NCLN: variants seen among roughly 807,000 people sequenced by gnomAD.
NCLN encodes nicalin.
A neutral mutation model predicts 69.5 loss-of-function variants in NCLN; 34 were observed. That is an observed-to-expected ratio of 0.49 (90% CI 0.37 to 0.65). The LOEUF (loss-of-function observed/expected upper bound fraction) is 0.65, where lower values mean the gene tolerates loss of function less well. NCLN is among the 30% of genes least tolerant of loss of function. NCLN has a pLI of 0.00. For synonymous variants in NCLN, 393 were observed against 358.3 expected, an observed-to-expected ratio of 1.10 and a Z score of -1.09; for missense variants, 710 against 804.8, an observed-to-expected ratio of 0.88 and a Z score of 1.42.
rs200222225 is a variant in NCLN, at chr19:3,198,837, C to T, written c.636C>T (p.Gly212=). 2.7e-4 allele frequency: 419 copies of T among 1,574,868 alleles called. No homozygotes were observed. The highest frequency in any genetic ancestry group is 8.3e-4 in the East Asian group (34 of 40,768). Residue 212 remains glycine, a synonymous_variant, in exon 5 of 15, where the codon GGC becomes GGT. Coordinates refer to ENST00000246117, the MANE Select transcript of NCLN (RefSeq NM_020170.4). The stretch of plus-strand genomic sequence containing the variant: ...CACAGGGGCGGCTGACGGGGCTGGG[C>T]GGAGAGGACCTTCCCACCATCGTCA... ...ASVEGRLTGL[G]GEDLPTIVIV...
rs1198163281 is a variant in NCLN, at chr19:3,206,404, A to G, written c.1478A>G (p.His493Arg). 4.5e-6 allele frequency: 7 copies of G among 1,547,788 alleles called. No individual in the cohort carries two copies. The highest frequency in any genetic ancestry group is 6.1e-6 in the Non-Finnish European group (7 of 1,146,828). The change falls in exon 12 of 15, where the codon CAC becomes CGC. Residue 493 changes from histidine (H) to arginine (R), a missense_variant. By Grantham distance (29) the His-to-Arg change is conservative (BLOSUM62 0). Coordinates refer to ENST00000246117, the MANE Select transcript of NCLN (RefSeq NM_020170.4). ...LSRYLKDVKQHHVKADKRDPE... is the reference protein window; with the variant it reads ...LSRYLKDVKQRHVKADKRDPE... ...CGCTACCTGAAGGACGTGAAGCAGC[A>G]CCACGTCAAGGCTGACAAGCGGTGA...
At chr19:3,203,214 A>G (rs2144915070) in intron 6 of NCLN, among the ~76,000 whole-genome samples, 1 of 152,210 alleles carries the variant, frequency 6.6e-6, no homozygotes, top group East Asian at 1.9e-4. Context: ...AGGCTCAGGC[A>G]GGATAATTGC....
chr19:3,198,820 C>T lies in NCLN; in HGVS notation c.619C>T (p.Arg207Trp), dbSNP rs560329705. 22 of 1,581,330 alleles carry T rather than the reference C, an allele frequency of 1.4e-5. No individual in the cohort carries two copies. Among genetic ancestry groups the T allele is most frequent in the South Asian group, 1.4e-4 (12 of 88,080 alleles). ...TTCCCCTGCTCTCTATCCACAGGGG[C>T]GGCTGACGGGGCTGGGCGGAGAGGA... ...SDWLIASVEG[R>W]LTGLGGEDLP... The change falls in exon 5 of 15, where the codon CGG becomes TGG. Residue 207 changes from arginine (R) to tryptophan (W), a missense_variant. Arg to Trp is a moderately radical substitution (Grantham distance 101). Transcript: ENST00000246117.
intron 1 of NCLN, 41 bp downstream of exon 1, chr19:3,186,255 C>A (rs1268087450): frequency 2.1e-6 from 3 of 1,420,116 alleles, no homozygotes; most frequent in Non-Finnish European, 2.8e-6. Flanking sequence ...CCCGGGCTCC[C>A]CGGCCACGCC....
At position 3,208,455 on chromosome 19, in the gene NCLN, TCCCTCCGGCCCCTGTGC is replaced by T. The variant is rs1368103375; in HGVS notation, c.*769_*785del. 3.3e-5 allele frequency: 5 copies of T among 150,662 alleles called. No individual in the cohort carries two copies. The highest frequency in any genetic ancestry group is 1.2e-4 in the African/African-American group (5 of 41,004). The allele number at this position is 150,662 out of a possible 1,614,324, so 9.3% of individuals were successfully genotyped here. A position where few individuals can be genotyped will look rare whatever the true frequency, so the allele number is the denominator to read the frequency against. On this transcript the variant is annotated 3_prime_UTR_variant, in exon 15 of 15. Transcript: ENST00000246117. ...CCTGCACTCCTCTTCTCCCAGCCCA[TCCCTCCGGCCCCTGTGC>T]CTCTGCGGCCCCAGCCCAGCTCCCA... is the stretch of plus-strand genomic sequence containing the variant.
At chr19:3,201,431 C>A in intron 5 of NCLN, 92 bp from the exon 6 acceptor site, 1 of 870,436 alleles carries the variant, frequency 1.1e-6, no homozygotes, top group South Asian at 1.6e-5. Context: ...GTGGGGGTGA[C>A]GGAGAGATGA....
chr19:3,199,947 T>A (rs519271), intron 5 of NCLN, among the ~76,000 whole-genome samples: 63,580 of 151,368 alleles, frequency 0.42, 13,362 homozygotes, highest in East Asian at 0.48. Flanking sequence ...TGATTTGCCC[T>A]CCTCAGCCTC....
At chr19:3,189,924 G>C (rs997166391) in intron 1 of NCLN, among the ~76,000 whole-genome samples, 2 of 152,246 alleles carry the variant, frequency 1.3e-5, no homozygotes, top group Non-Finnish European at 2.9e-5. Flanking sequence ...GGAGGCCGTG[G>C]CCTTCAGGGA....
intron 4 of NCLN, among the ~76,000 whole-genome samples, chr19:3,197,810 G>A (rs891917752): frequency 3.9e-5 from 6 of 152,110 alleles, no homozygotes; most frequent in African/African-American, 7.2e-5. Context: ...TGGTAGAGAC[G>A]GGGTTTCACC....
In NCLN at chr19:3,186,209, C is replaced by A; in HGVS notation, c.179C>A (p.Pro60His). The change falls in exon 1 of 15, where the codon CCC becomes CAC. Residue 60 changes from proline to histidine, a missense_variant. Transcript: ENST00000246117. ...CAGCAGTACGACCTGCAGGGCCAGCCCTACGGTGCGTGTCCCCGGCCCACC... is the reference window on the plus strand; with the variant it reads ...CAGCAGTACGACCTGCAGGGCCAGCACTACGGTGCGTGTCCCCGGCCCACC... ...RMQQYDLQGQ[P>H]YGTRNAVLNT... 4.6e-6 allele frequency: 7 copies of A among 1,537,844 alleles called. No homozygotes were observed. The highest frequency in any genetic ancestry group is 1.2e-5 in the South Asian group (1 of 83,874).
At chr19:3,206,078 G>A in intron 10 of NCLN, 52 bp downstream of exon 10, 2 of 1,596,154 alleles carry the variant, frequency 1.3e-6, no homozygotes, top group Admixed American at 1.7e-5. Context: ...CCTGCCCCCG[G>A]CCCCGGCCCC....
In NCLN at chr19:3,204,739, T is replaced by G; in HGVS notation, c.1196T>G (p.Ile399Ser). ...CACCGTGACGGCCAGCGCAGCAGCA[T>G]CATGGACGTGCGGTGAGCGCGGCAG... ...ESHRDGQRSSIMDVRSRVDSK... is the reference protein window; with the variant it reads ...ESHRDGQRSSSMDVRSRVDSK... Residue 399 changes from isoleucine (I) to serine (S), a missense_variant, in exon 9 of 15, where the codon ATC becomes AGC. Physicochemically the swap from Ile to Ser is moderately radical, Grantham distance 142. Transcript: ENST00000246117. The G allele has an allele frequency of 1.3e-6, 2 of 1,549,372 alleles. No individual in the cohort carries two copies. Among genetic ancestry groups the G allele is most frequent in the Middle Eastern group, 1.8e-4 (1 of 5,662 alleles).
At chr19:3,195,097 C>T (rs1294983966) in intron 3 of NCLN, among the ~76,000 whole-genome samples, 1 of 151,488 alleles carries the variant, frequency 6.6e-6, no homozygotes. Flanking sequence ...TCACTTGAAC[C>T]CTTGAACCTG....
intron 1 of NCLN, 83 bp from the exon 2 acceptor site, chr19:3,192,387 G>T: frequency 1.7e-6 from 2 of 1,188,568 alleles, no homozygotes; most frequent in South Asian, 1.6e-5. Context: ...TGGGGCTGCT[G>T]AGTGGGTCCC....
At chr19:3,201,738 G>C in intron 6 of NCLN, 112 bp downstream of exon 6, 2 of 898,100 alleles carry the variant, frequency 2.2e-6, no homozygotes, top group Non-Finnish European at 3.3e-6. Context: ...GCCCCAAAGT[G>C]GGCCTGAGCC....
At chr19:3,207,170 G>GC in intron 12 of NCLN, 28 bp from the exon 13 acceptor site, 4 of 1,612,762 alleles carry the variant, frequency 2.5e-6, no homozygotes, top group Non-Finnish European at 3.4e-6. Context: ...GCGCAGTGGT[G>GC]CCCCCTGAGA....
intron 1 of NCLN, among the ~76,000 whole-genome samples, chr19:3,189,529 G>A (rs575594338): frequency 7.2e-5 from 11 of 151,818 alleles, no homozygotes; most frequent in East Asian, 3.9e-4. Flanking sequence ...TCTGGCCCCC[G>A]ATAGATAGAC....
chr19:3,193,130 G>A (rs1915871320), intron 2 of NCLN, among the ~76,000 whole-genome samples, 154 bp from the exon 3 acceptor site: 2 of 140,456 alleles, frequency 1.4e-5, no homozygotes, highest in Non-Finnish European at 1.5e-5. Flanking sequence ...GGGCCTGCCT[G>A]CCCTCCAGGG....
rs955710628 is a variant in NCLN, at chr19:3,185,946, C to G, written c.-85C>G. On this transcript the variant is annotated 5_prime_UTR_variant, in exon 1 of 15. Transcript: ENST00000246117. Reference sequence around the variant, plus strand: ...GGCGCCCGCAGGACCCCGGCGGCTACCCATGCCGAGGTGAGTCCGCGGGAG... The same window carrying G: ...GGCGCCCGCAGGACCCCGGCGGCTAGCCATGCCGAGGTGAGTCCGCGGGAG... 4 of 1,088,082 alleles carry G rather than the reference C, an allele frequency of 3.7e-6. No homozygotes were observed. Among genetic ancestry groups the G allele is most frequent in the Admixed American group, 4.5e-5 (1 of 22,460 alleles). 67.4% of individuals were successfully genotyped at this position (1,088,082 alleles called of 1,614,324 possible). A position where few individuals can be genotyped will look rare whatever the true frequency, so the allele number is the denominator to read the frequency against.
Sources: allele counts gnomAD v4.1 joint callset (sites outside exome capture counted in the v4.1 genomes callset), GRCh38; gene constraint gnomAD v4.1.1; transcripts MANE v1.5; gene names NCBI Gene and HGNC (gene_info 2026-07-23, HGNC 2026-07-21).